RORA: variants seen among roughly 807,000 people sequenced by gnomAD.
The protein encoded by RORA is nuclear receptor ROR-alpha.
In RORA, 7 loss-of-function variants were observed where a neutral mutation model predicts 69.5. The observed-to-expected ratio is 0.10, with a 90% CI of 0.06 to 0.19. The LOEUF is 0.19. RORA is among the 10% of genes least tolerant of loss of function. The pLI is 1.00. For missense variants in RORA, 457 were observed against 663.0 expected, an observed-to-expected ratio of 0.69 and a Z score of 3.41; for synonymous variants, 261 against 240.8, an observed-to-expected ratio of 1.08 and a Z score of -0.78.
intron 1 of RORA, among the ~76,000 whole-genome samples, chr15:60,802,601 A>G (rs2072600632): frequency 6.6e-6 from 1 of 152,012 alleles, no homozygotes; most frequent in African/African-American, 2.4e-5. Flanking sequence ...TGTATGTGGC[A>G]TGTGTGTGTA....
chr15:61,194,024 C>A (rs1474983625), intron 1 of RORA: 1 of 152,214 alleles, frequency 6.6e-6, no homozygotes, highest in Non-Finnish European at 1.5e-5. Context: ...GCCCTTCACT[C>A]TCTCTTGCAG....
intron 2 of RORA, among the ~76,000 whole-genome samples, chr15:60,622,041 T>C (rs2069424078): frequency 6.6e-6 from 1 of 151,574 alleles, no homozygotes; most frequent in South Asian, 2.1e-4. Flanking sequence ...GGAGTGAAAC[T>C]GTGACTCAAA....
At chr15:60,692,675 G>A (rs1225879683) in intron 1 of RORA, among the ~76,000 whole-genome samples, 1 of 152,160 alleles carries the variant, frequency 6.6e-6, no homozygotes, top group Non-Finnish European at 1.5e-5. Flanking sequence ...TCTGGGTGTT[G>A]GGTATAGGGC....
chr15:60,551,144 T>C (rs1453709576), intron 2 of RORA, among the ~76,000 whole-genome samples: 1 of 152,154 alleles, frequency 6.6e-6, no homozygotes, highest in African/African-American at 2.4e-5. Flanking sequence ...ATTAATATAT[T>C]TATGGAGACT....
chr15:61,058,857 C>A (rs181392864), intron 1 of RORA, among the ~76,000 whole-genome samples: 1 of 152,248 alleles, frequency 6.6e-6, no homozygotes, highest in African/African-American at 2.4e-5. Flanking sequence ...AAGCCCAACG[C>A]CTAACACAAA....
intron 1 of RORA, among the ~76,000 whole-genome samples, chr15:60,726,631 C>T (rs1307941421): frequency 6.6e-6 from 1 of 152,196 alleles, no homozygotes; most frequent in Non-Finnish European, 1.5e-5. Context: ...TTGCGTAGGC[C>T]CCGCCTACAG....
intron 1 of RORA, among the ~76,000 whole-genome samples, chr15:60,949,313 G>A (rs1314265323): frequency 6.6e-6 from 1 of 151,954 alleles, no homozygotes; most frequent in Non-Finnish European, 1.5e-5. Context: ...AATCTTGCTT[G>A]GCTTCTCAAA....
chr15:61,182,538 A>G (rs1168654474), intron 1 of RORA, among the ~76,000 whole-genome samples: 1 of 152,256 alleles, frequency 6.6e-6, no homozygotes, highest in Non-Finnish European at 1.5e-5. Context: ...AAGACAGAGC[A>G]TCGCATGAAG....
chr15:61,081,010 T>C (rs541701155), intron 1 of RORA, among the ~76,000 whole-genome samples: 1 of 152,326 alleles, frequency 6.6e-6, no homozygotes, highest in African/African-American at 2.4e-5. Context: ...CAGAGACATT[T>C]TGCACAGGAA....
chr15:61,035,107 G>C (rs578114439), intron 1 of RORA, among the ~76,000 whole-genome samples: 2 of 152,114 alleles, frequency 1.3e-5, no homozygotes, highest in Non-Finnish European at 2.9e-5. Context: ...ATTGGGAATG[G>C]TTTTGTTCTG....
At chr15:60,564,915 T>G (rs1472368691) in intron 2 of RORA, among the ~76,000 whole-genome samples, 2 of 152,170 alleles carry the variant, frequency 1.3e-5, no homozygotes, top group Non-Finnish European at 2.9e-5. Flanking sequence ...CTTCACTTTG[T>G]GGGACTTTAA....
intron 2 of RORA, among the ~76,000 whole-genome samples, chr15:60,668,115 C>T (rs2070407041): frequency 6.6e-6 from 1 of 152,166 alleles, no homozygotes; most frequent in South Asian, 2.1e-4. Flanking sequence ...TTGGCTGCTG[C>T]TCTCAGGGGG....
chr15:60,500,317 G>A (rs1332867559), intron 9 of RORA, among the ~76,000 whole-genome samples: 3 of 152,102 alleles, frequency 2.0e-5, no homozygotes, highest in African/African-American at 2.4e-5. Context: ...CCCTCGAGAC[G>A]TTCTAATAAT....
intron 1 of RORA, among the ~76,000 whole-genome samples, chr15:60,914,948 C>G (rs1265664350): frequency 6.6e-6 from 1 of 152,210 alleles, no homozygotes; most frequent in African/African-American, 2.4e-5. Context: ...GGGCCAAATG[C>G]TTCCACCTTT....
intron 2 of RORA, among the ~76,000 whole-genome samples, chr15:60,604,748 G>C (rs2068906541): frequency 6.6e-6 from 1 of 152,194 alleles, no homozygotes; most frequent in Non-Finnish European, 1.5e-5. Flanking sequence ...TTCCATTCTA[G>C]TTCCAACAGT....
intron 1 of RORA, among the ~76,000 whole-genome samples, chr15:60,822,545 A>T (rs1422848525): frequency 6.6e-6 from 1 of 152,240 alleles, no homozygotes; most frequent in African/African-American, 2.4e-5. Context: ...TTACAGGCTC[A>T]CATTGCAACT....
rs2065060164 is a variant in RORA, at chr15:60,492,497, A to C, written c.*4958T>G. ...AGGAGAACCCATGAAAACAATAGTT[A>C]ATTGCTGGTATTTTAAAAACATATT... On this transcript the variant is annotated 3_prime_UTR_variant, in exon 11 of 11. Coordinates refer to ENST00000335670, the MANE Select transcript of RORA (RefSeq NM_134261.3). 6.6e-6 allele frequency: 1 copy of C among 152,168 alleles called. No individual in the cohort carries two copies. Among genetic ancestry groups the C allele is most frequent in the South Asian group, 2.1e-4 (1 of 4,834 alleles). The allele number at this position is 152,168 out of a possible 1,614,324, so 9.4% of individuals were successfully genotyped here.
intron 1 of RORA, among the ~76,000 whole-genome samples, chr15:61,115,278 C>CA (rs10551257): frequency 9.3e-4 from 136 of 146,342 alleles, no homozygotes; most frequent in South Asian, 2.8e-3. Flanking sequence ...ATGGATATTC[C>CA]AAAAAAAAAA....
At chr15:60,871,507 A>G (rs2073555808) in intron 1 of RORA, among the ~76,000 whole-genome samples, 1 of 152,242 alleles carries the variant, frequency 6.6e-6, no homozygotes, top group Non-Finnish European at 1.5e-5. Flanking sequence ...AATGCCATTC[A>G]TCAAATAAAT....
Sources: allele counts gnomAD v4.1 joint callset (sites outside exome capture counted in the v4.1 genomes callset), GRCh38; gene constraint gnomAD v4.1.1; transcripts MANE v1.5; gene names NCBI Gene and HGNC (gene_info 2026-07-23, HGNC 2026-07-21).